The following TSPAN18 variants were observed in gnomAD, a reference collection of about 807,000 sequenced individuals.
TSPAN18 encodes tetraspanin 18, also known as tetraspanin-18.
TSPAN18 carries 14 observed loss-of-function variants against 27.3 expected under a neutral mutation model. That is an observed-to-expected ratio of 0.51 (90% confidence interval 0.34 to 0.80). The LOEUF (loss-of-function observed/expected upper bound fraction) is 0.80, where lower values mean the gene tolerates loss of function less well. TSPAN18 is among the 30% of genes least tolerant of loss of function. TSPAN18 has a pLI of 0.01. For missense variants in TSPAN18, 268 were observed against 323.9 expected (o/e 0.83, Z 1.32); for synonymous variants, 143 against 136.5 (o/e 1.05, Z -0.33).
chr11:44,733,206 C>T (rs1261864043), intron 1 of TSPAN18, among the ~76,000 whole-genome samples: 1 of 152,102 alleles, frequency 6.6e-6, no homozygotes, highest in African/African-American at 2.4e-5. Context: ...TTACATTTAC[C>T]CTAGTAGAGT....
chr11:44,758,586 C>G (rs928481243), intron 1 of TSPAN18, among the ~76,000 whole-genome samples: 3 of 152,138 alleles, frequency 2.0e-5, no homozygotes, highest in Non-Finnish European at 4.4e-5. Context: ...CAGAAAGTAG[C>G]GGCAGATTAT....
At chr11:44,918,379 G>A (rs931897911) in intron 6 of TSPAN18, among the ~76,000 whole-genome samples, 1 of 152,154 alleles carries the variant, frequency 6.6e-6, no homozygotes, top group Non-Finnish European at 1.5e-5. Context: ...CTGGAATGTA[G>A]GAGCACAGGG....
rs76756560 is a variant in TSPAN18 at position 44,747,501 on chromosome 11, C to T, written c.-239-16925C>T. On this transcript the variant is annotated intron_variant, in intron 1 of 9. Transcript: ENST00000520358. ...TGAGCCTGGTTTGTACTGAGCTGCT[C>T]AGGAATCTTAAATATGATCGTGAAT... Among the ~76,000 whole-genome samples the T allele has an allele frequency of 4.8e-3, 729 of 152,220 alleles. 7 individuals are homozygous for T. The highest frequency in any genetic ancestry group is 0.017 in the African/African-American group (704 of 41,522).
intron 1 of TSPAN18, among the ~76,000 whole-genome samples, chr11:44,758,449 G>A (rs1176351565): frequency 6.6e-6 from 1 of 152,164 alleles, no homozygotes; most frequent in East Asian, 1.9e-4. Context: ...AATTCGGGTT[G>A]CTAATATTTT....
chr11:44,752,092 A>ACACCAAC (rs1445178466), intron 1 of TSPAN18, among the ~76,000 whole-genome samples: 2 of 152,188 alleles, frequency 1.3e-5, no homozygotes, highest in Non-Finnish European at 2.9e-5. Flanking sequence ...AGGCCCCAAC[A>ACACCAAC]CACCAACCCA....
chr11:44,871,889 A>C (rs1473800041), intron 3 of TSPAN18, among the ~76,000 whole-genome samples: 1 of 152,106 alleles, frequency 6.6e-6, no homozygotes, highest in African/African-American at 2.4e-5. Flanking sequence ...TTCTCCATGC[A>C]CAGAGACAAA....
At chr11:44,799,969 T>C (rs1565154976) in intron 2 of TSPAN18, among the ~76,000 whole-genome samples, 7 of 151,972 alleles carry the variant, frequency 4.6e-5, no homozygotes, top group Admixed American at 3.9e-4. Context: ...TAGCTGTGAT[T>C]ACAGGTGCAC....
At chr11:44,832,160 C>T (rs754806462) in intron 2 of TSPAN18, among the ~76,000 whole-genome samples, 11 of 152,288 alleles carry the variant, frequency 7.2e-5, no homozygotes, top group Non-Finnish European at 1.2e-4. Flanking sequence ...CTCACTTCAT[C>T]AGAGGAGGCG....
intron 1 of TSPAN18, among the ~76,000 whole-genome samples, chr11:44,746,926 G>A (rs563369902): frequency 3.3e-5 from 5 of 152,306 alleles, no homozygotes; most frequent in African/African-American, 1.2e-4. Flanking sequence ...GGGAGTAGTC[G>A]CCTGGACCCA....
At chr11:44,852,295 T>A (rs1857626561) in intron 2 of TSPAN18, among the ~76,000 whole-genome samples, 1 of 152,190 alleles carries the variant, frequency 6.6e-6, no homozygotes. Context: ...CAATGTTACA[T>A]GTGCAATGTT....
At chr11:44,801,171 C>T (rs1374631577) in intron 2 of TSPAN18, among the ~76,000 whole-genome samples, 1 of 152,182 alleles carries the variant, frequency 6.6e-6, no homozygotes, top group Non-Finnish European at 1.5e-5. Flanking sequence ...ATTGTTGGGG[C>T]TGAGCAATTG....
At chr11:44,883,226 T>C (rs1407891766) in intron 3 of TSPAN18, among the ~76,000 whole-genome samples, 1 of 152,212 alleles carries the variant, frequency 6.6e-6, no homozygotes, top group African/African-American at 2.4e-5. Context: ...GGGCTATATG[T>C]ACATTTTTAA....
intron 3 of TSPAN18, among the ~76,000 whole-genome samples, chr11:44,902,205 G>A (rs575196117): frequency 6.6e-6 from 1 of 152,366 alleles, no homozygotes; most frequent in Admixed American, 6.5e-5. Context: ...GCTCTGTGCA[G>A]GTACAGCGGG....
chr11:44,737,282 G>A (rs1473438556), intron 1 of TSPAN18, among the ~76,000 whole-genome samples: 2 of 152,220 alleles, frequency 1.3e-5, no homozygotes, highest in South Asian at 2.1e-4. Context: ...GACAAGCTGG[G>A]TTGGAGGATG....
intron 8 of TSPAN18, among the ~76,000 whole-genome samples, chr11:44,922,068 C>A (rs1464187634): frequency 6.6e-6 from 1 of 151,572 alleles, no homozygotes; most frequent in Non-Finnish European, 1.5e-5. Flanking sequence ...GTGGAACTGT[C>A]TCTATTTGTC....
intron 9 of TSPAN18, among the ~76,000 whole-genome samples, chr11:44,928,322 A>G (rs1860443822): frequency 6.6e-6 from 1 of 152,228 alleles, no homozygotes; most frequent in East Asian, 1.9e-4. Flanking sequence ...TTACATCATT[A>G]GGTAATTGCA....
chr11:44,730,581 C>G (rs1389990147), intron 1 of TSPAN18, among the ~76,000 whole-genome samples: 3 of 151,890 alleles, frequency 2.0e-5, no homozygotes, highest in Admixed American at 6.6e-5. Context: ...CTTGGACCTG[C>G]ATTAGTGCTC....
rs539776385 is a variant in TSPAN18, at chr11:44,910,660, G to A, written c.258+761G>A. On this transcript the variant is annotated intron_variant, in intron 5 of 9. Coordinates refer to ENST00000520358, the MANE Select transcript of TSPAN18 (RefSeq NM_130783.5). ...CCTTGTAGATATGCAATTCTGAAAC[G>A]GTATGATATGGCCTCTGAAGGTTTC... 7.1e-4 allele frequency among the ~76,000 whole-genome samples: 108 copies of A among 152,328 alleles called. 2 individuals are homozygous for A. The highest frequency in any genetic ancestry group is 1.9e-3 in the African/African-American group (78 of 41,570).
intron 3 of TSPAN18, among the ~76,000 whole-genome samples, chr11:44,895,217 C>T (rs553228013): frequency 2.6e-4 from 39 of 152,282 alleles, no homozygotes; most frequent in African/African-American, 9.1e-4. Flanking sequence ...CTACCCAAGC[C>T]ATGTGTCCAT....
Sources: allele counts gnomAD v4.1 joint callset (sites outside exome capture counted in the v4.1 genomes callset), GRCh38; gene constraint gnomAD v4.1.1; transcripts MANE v1.5; gene names NCBI Gene and HGNC (gene_info 2026-07-23, HGNC 2026-07-21).